Variants in SLC50A1 observed in about 807,000 individuals in gnomAD.
The protein encoded by SLC50A1 is solute carrier family 50 member 1, also known as sugar transporter SWEET1.
Under a neutral mutation model 28.9 loss-of-function variants are expected in SLC50A1, and 22 were observed. The observed-to-expected ratio is 0.76, with a 90% CI of 0.54 to 1.09. The LOEUF (loss-of-function observed/expected upper bound fraction) is 1.09. Among genes scored for constraint, SLC50A1 ranks in the 50% least tolerant of loss-of-function variants. The probability of loss-of-function intolerance (pLI) is 0.00; values close to 1 mark genes in which losing one functional copy is unlikely to be tolerated. For missense variants in SLC50A1, 233 were observed against 273.4 expected, an observed-to-expected ratio of 0.85 and a Z score of 1.04; for synonymous variants, 96 against 110.6, an observed-to-expected ratio of 0.87 and a Z score of 0.83.
chr1:155,136,469 C>G, intron 2 of SLC50A1, 93 bp downstream of exon 2: 1 of 1,230,748 alleles, frequency 8.1e-7, no homozygotes. Flanking sequence ...TTTGGCCGGG[C>G]GCGGTGGCTC....
chr1:155,136,674 C>A, intron 2 of SLC50A1, 154 bp from the exon 3 acceptor site: 1 of 1,101,432 alleles, frequency 9.1e-7, no homozygotes, highest in Non-Finnish European at 1.3e-6. Context: ...ACCCAGGAGG[C>A]GGAGCTTGCA....
upstream of SLC50A1, chr1:155,135,676 A>G: frequency 6.5e-7 from 1 of 1,550,354 alleles, no homozygotes; most frequent in Non-Finnish European, 8.7e-7. Flanking sequence ...CGGGACATGG[A>G]AGAGGTCTGG....
chr1:155,137,916 T>A, intron 4 of SLC50A1, 63 bp from the exon 5 acceptor site: 1 of 1,611,260 alleles, frequency 6.2e-7, no homozygotes. Context: ...TTGAGGAAAT[T>A]CTTAGGCAAG....
chr1:155,136,059 A>G, intron 1 of SLC50A1, 68 bp downstream of exon 1: 2 of 1,567,692 alleles, frequency 1.3e-6, no homozygotes, highest in South Asian at 1.1e-5. Flanking sequence ...GGGGACAGAG[A>G]CGTGGCCACA....
chr1:155,136,271 C>G, intron 1 of SLC50A1, 28 bp from the exon 2 acceptor site: 1 of 1,473,882 alleles, frequency 6.8e-7, no homozygotes, highest in African/African-American at 1.4e-5. Flanking sequence ...TTCCCACCCC[C>G]ACCCCTCCCT....
In SLC50A1 at chr1:155,138,239, C is replaced by T; in HGVS notation, c.624C>T (p.Tyr208=). 6.2e-7 allele frequency: 1 copy of T among 1,614,138 alleles called. No individual in the cohort carries two copies. The highest frequency in any genetic ancestry group is 8.5e-7 in the Non-Finnish European group (1 of 1,180,026). Residue 208 remains tyrosine, a synonymous_variant, in exon 6 of 6, where the codon TAC becomes TAT. Transcript: ENST00000368404. Reference sequence around the variant, plus strand: ...TCCGCTTCTGGCTTTTCTGGAAGTACCCCCAGGAGCAAGACAGGAACTACT... The same window carrying T: ...TCCGCTTCTGGCTTTTCTGGAAGTATCCCCAGGAGCAAGACAGGAACTACT... ...SFIRFWLFWK[Y]PQEQDRNYWL... is the part of the protein sequence containing the mutation.
Position 155,138,351 on chromosome 1 carries a change from G to GCAGGC in SLC50A1, c.*71_*72insAGGCC. On this transcript the variant is annotated 3_prime_UTR_variant, in exon 6 of 6. Transcript: ENST00000368404. Reference sequence around the variant, plus strand: ...AAAGAGACCTCCTTGTTTCAGCTGGGCCTGCTGTCCAGCTTCCCAGGTGCA... The same window carrying GCAGGC: ...AAAGAGACCTCCTTGTTTCAGCTGGGCAGGCCCTGCTGTCCAGCTTCCCAGGTGCA... The GCAGGC allele has an allele frequency of 2.7e-6, 4 of 1,455,628 alleles. No homozygotes were observed. Among genetic ancestry groups the GCAGGC allele is most frequent in the Non-Finnish European group, 3.8e-6 (4 of 1,051,106 alleles). 90.2% of individuals were successfully genotyped at this position (1,455,628 alleles called of 1,614,324 possible).
At chr1:155,137,886 G>A (rs1006533150) in intron 4 of SLC50A1, 93 bp from the exon 5 acceptor site, 2 of 1,602,366 alleles carry the variant, frequency 1.2e-6, no homozygotes, top group Non-Finnish European at 1.7e-6. Flanking sequence ...ACAGATCAGG[G>A]AGGGTGTCTG....
Position 155,138,281 on chromosome 1 carries a change from A to G in SLC50A1, c.666A>G (p.Ter222TrpextTer10). 2.5e-6 allele frequency: 4 copies of G among 1,613,744 alleles called. No individual in the cohort carries two copies. ...QDRNYWLLQT[*>W] ...GGAACTACTGGCTCCTGCAAACCTG[A>G]GGCTGCTCATCTGACCACTGGGCAC... Residue 222 changes from the stop codon to tryptophan (W), a stop_lost, in exon 6 of 6, where the codon TGA (stop) becomes TGG (tryptophan). Transcript: ENST00000368404.
intron 1 of SLC50A1, 64 bp from the exon 2 acceptor site, chr1:155,136,235 T>A (rs1664454482): frequency 1.7e-6 from 2 of 1,177,824 alleles, no homozygotes; most frequent in Non-Finnish European, 2.5e-6. Flanking sequence ...GCATTGGGCA[T>A]CCCCCTCTAG....
chr1:155,135,517 T>A, upstream of SLC50A1: 1 of 1,396,880 alleles, frequency 7.2e-7, no homozygotes. Context: ...AGCAAGCTTT[T>A]GTTTGGAGGT....
upstream of SLC50A1, chr1:155,135,700 G>C: frequency 6.5e-7 from 1 of 1,550,184 alleles, no homozygotes; most frequent in Non-Finnish European, 8.7e-7. Context: ...AGGGTACTGG[G>C]AAGGCGCTCG....
intron 2 of SLC50A1, 162 bp downstream of exon 2, chr1:155,136,538 T>C (rs1664492197): frequency 2.7e-6 from 2 of 733,894 alleles, no homozygotes; most frequent in Non-Finnish European, 4.7e-6. Context: ...GGTCAGGAGA[T>C]CCAGACCATC....
intron 3 of SLC50A1, chr1:155,137,253 T>C: frequency 1.8e-6 from 1 of 543,656 alleles, no homozygotes; most frequent in Non-Finnish European, 3.3e-6. Flanking sequence ...AGCCAGGGCC[T>C]GTGGGTGAGA....
Position 155,136,180 on chromosome 1 carries a change from G to C in SLC50A1, c.81-119G>C, listed in dbSNP as rs889824758. 6.9e-6 allele frequency: 6 copies of C among 865,428 alleles called. No homozygotes were observed. In the South Asian group the frequency reaches 7.7e-5, roughly 11 times the overall value. 53.6% of individuals were successfully genotyped at this position (865,428 alleles called of 1,614,324 possible). A position where few individuals can be genotyped will look rare whatever the true frequency, so the allele number is the denominator to read the frequency against. ...AAGGAGAAGGCAGGATAGCTGGCGG[G>C]GGGGAGAGGGGGCGGGGTCTGCGGT... On this transcript the variant is annotated intron_variant, in intron 1 of 5. Transcript: ENST00000368404.
chr1:155,135,736 C>T (rs1014756232), upstream of SLC50A1: 6 of 1,549,168 alleles, frequency 3.9e-6, no homozygotes, highest in Admixed American at 2.0e-5. Flanking sequence ...AGTTCCGGTT[C>T]GGCGTCGGAG....
chr1:155,135,494 G>A (rs1664377941), upstream of SLC50A1: 2 of 1,237,794 alleles, frequency 1.6e-6, no homozygotes, highest in Non-Finnish European at 2.2e-6. Context: ...GCGTGCTGAA[G>A]TCTTGTTAAA....
chr1:155,136,040 GGA>G (rs750215888), intron 1 of SLC50A1, 49 bp downstream of exon 1: 6 of 1,600,600 alleles, frequency 3.7e-6, no homozygotes, highest in South Asian at 1.1e-5. Flanking sequence ...AGTCAGGAAA[GGA>G]GAGAGAGGGG....
chr1:155,136,959 C>A lies in SLC50A1; in HGVS notation c.282+8C>A. On this transcript the variant is annotated splice_region_variant and intron_variant, in intron 3 of 5. Transcript: ENST00000368404. ...CATTACTGCCCTCGGAAGGTAGAGG[C>A]CCTCCCTTGGACCCACCTATCTGCT... 1.2e-6 allele frequency: 2 copies of A among 1,613,634 alleles called. No individual in the cohort carries two copies. Among genetic ancestry groups the A allele is most frequent in the Non-Finnish European group, 1.7e-6 (2 of 1,179,830 alleles).
Sources: gnomAD v4.1 joint callset for allele counts on GRCh38, gnomAD v4.1.1 for gene constraint, MANE v1.5 for transcripts, NCBI Gene and HGNC (gene_info 2026-07-23, HGNC 2026-07-21) for gene names.